Variants in FRYL observed in about 807,000 individuals in gnomAD.
FRYL encodes FRY like transcription coactivator.
In FRYL, 150 loss-of-function variants were observed where a neutral mutation model predicts 351.2. The observed-to-expected ratio is 0.43, with a 90% CI of 0.37 to 0.49. The LOEUF (loss-of-function observed/expected upper bound fraction) is 0.49. Ranked by LOEUF, FRYL falls within the 20% of genes least tolerant of loss-of-function variation. The pLI is 0.00. For missense variants in FRYL, 3,036 were observed against 3,619.3 expected (o/e 0.84, Z 4.13); for synonymous variants, 1,153 against 1,257.1 (o/e 0.92, Z 1.75).
intron 3 of FRYL, among the ~76,000 whole-genome samples, chr4:48,660,591 T>A (rs1026476998): frequency 7.9e-5 from 12 of 152,202 alleles, no homozygotes; most frequent in Admixed American, 7.2e-4. Context: ...TTGGCACCAT[T>A]TCACCTGTGG....
Position 48,562,935 on chromosome 4 carries a change from G to C in FRYL, c.3650C>G (p.Ala1217Gly). ...MLLNLILFKA[A>G]DSSRSIYEVA... ...TTCATAGATACTTCTAGAAGAATCA[G>C]CTGCTTTAAACAGTATCAGATTTAG... The change falls in exon 32 of 64, where the codon GCT (alanine) becomes GGT (glycine). Residue 1217 changes from alanine to glycine, a missense_variant. By Grantham distance (60) the Ala-to-Gly change is moderately conservative. Transcript: ENST00000358350. The C allele has an allele frequency of 6.2e-7, 1 of 1,609,976 alleles. No homozygotes were observed.
At chr4:48,651,246 G>A (rs1347038307) in intron 3 of FRYL, among the ~76,000 whole-genome samples, 1 of 148,100 alleles carries the variant, frequency 6.8e-6, no homozygotes, top group Non-Finnish European at 1.5e-5. Flanking sequence ...GTGTGTGTGT[G>A]TGTGTGTGTG....
intron 1 of FRYL, among the ~76,000 whole-genome samples, chr4:48,716,638 A>C (rs550648475): frequency 1.1e-3 from 162 of 151,688 alleles, no homozygotes; most frequent in African/African-American, 3.7e-3. Flanking sequence ...GCTGGAGAGG[A>C]TGTGGAGAAA....
chr4:48,589,912 G>T (rs1742892132), intron 17 of FRYL, 35 bp from the exon 18 acceptor site: 1 of 1,528,926 alleles, frequency 6.5e-7, no homozygotes, highest in Non-Finnish European at 9.0e-7. Flanking sequence ...TAAAATATCT[G>T]AAATTAGATA....
chr4:48,602,173 G>A (rs1485765978), intron 12 of FRYL, 52 bp from the exon 13 acceptor site: 3 of 908,904 alleles, frequency 3.3e-6, no homozygotes, highest in East Asian at 2.5e-5. Flanking sequence ...GAAAAGCACT[G>A]GACTTTTAAA....
intron 13 of FRYL, chr4:48,598,965 A>T: frequency 2.6e-6 from 1 of 379,156 alleles, no homozygotes; most frequent in Non-Finnish European, 3.6e-6. Context: ...ACAGCTCTTC[A>T]CCAAGGTCTC....
intron 7 of FRYL, among the ~76,000 whole-genome samples, chr4:48,614,015 TATC>T (rs1410739652): frequency 1.3e-5 from 2 of 150,864 alleles, no homozygotes; most frequent in Non-Finnish European, 2.9e-5. Flanking sequence ...ACTTTGGTCT[TATC>T]ATATTACTGC....
At chr4:48,670,880 C>G (rs1433518879) in intron 3 of FRYL, among the ~76,000 whole-genome samples, 1 of 152,176 alleles carries the variant, frequency 6.6e-6, no homozygotes, top group African/African-American at 2.4e-5. Flanking sequence ...CAAATCTCGG[C>G]TGTTGTGAAT....
In FRYL at chr4:48,515,080, C is replaced by G. The variant is rs1285689899; in HGVS notation, c.7885G>C (p.Glu2629Gln). The change falls in exon 56 of 64, where the codon GAG becomes CAG. Residue 2629 changes from glutamate to glutamine, a missense_variant. Around this residue, in one of 7 missense-constraint regions of FRYL, gnomAD observed 1,987 missense variants for 2,311.7 expected, o/e 0.86. Coordinates refer to ENST00000358350, the MANE Select transcript of FRYL (RefSeq NM_015030.2). ...TCTTCTTCACATCTTTCATCTAGCTCTTTCAGAGCTAAGGTAACATCCTCT... is the reference window on the plus strand; with the variant it reads ...TCTTCTTCACATCTTTCATCTAGCTGTTTCAGAGCTAAGGTAACATCCTCT... ...CEEDVTLALK[E>Q]LDERCEEEEA... 1.2e-6 allele frequency: 2 copies of G among 1,613,816 alleles called. No homozygotes were observed. The highest frequency in any genetic ancestry group is 1.7e-6 in the Non-Finnish European group (2 of 1,179,874).
At chr4:48,649,082 G>T (rs1481443302) in intron 3 of FRYL, among the ~76,000 whole-genome samples, 2 of 152,142 alleles carry the variant, frequency 1.3e-5, no homozygotes, top group African/African-American at 4.8e-5. Context: ...AGTATACACA[G>T]ATACGTGTGC....
In FRYL at chr4:48,525,194, T is replaced by C. The variant is rs867583342; in HGVS notation, c.7318-2090A>G. On this transcript the variant is annotated intron_variant, in intron 53 of 63. Coordinates refer to ENST00000358350, the MANE Select transcript of FRYL (RefSeq NM_015030.2). ...ATATATATATATATATATATATATA[T>C]ATACACACACTTGGATGTGATGTAA... Among the ~76,000 whole-genome samples, 450 of 145,732 alleles carry C rather than the reference T, an allele frequency of 3.1e-3. 1 individual carries two copies. Among genetic ancestry groups the C allele is most frequent in the East Asian group, 4.4e-3 (22 of 5,050 alleles).
intron 1 of FRYL, among the ~76,000 whole-genome samples, chr4:48,731,335 AT>A (rs1770702016): frequency 2.0e-5 from 3 of 152,242 alleles, no homozygotes; most frequent in Admixed American, 1.3e-4. Context: ...GGAAGAATCA[AT>A]ATCATGAAAA....
intron 49 of FRYL, among the ~76,000 whole-genome samples, chr4:48,533,931 A>G (rs965814101): frequency 1.3e-4 from 20 of 152,218 alleles, no homozygotes; most frequent in African/African-American, 4.1e-4. Flanking sequence ...GTACGAAGAA[A>G]GAAAGAACAA....
At chr4:48,675,952 A>C (rs1763598785) in intron 3 of FRYL, among the ~76,000 whole-genome samples, 3 of 151,996 alleles carry the variant, frequency 2.0e-5, no homozygotes, top group Admixed American at 6.6e-5. Flanking sequence ...ACCAATCAAC[A>C]CTCTGTATAT....
chr4:48,595,977 T>C lies in FRYL; in HGVS notation c.1059A>G (p.Arg353=). 1 of 1,599,430 alleles carries C rather than the reference T, an allele frequency of 6.3e-7. No individual in the cohort carries two copies. The highest frequency in any genetic ancestry group is 8.5e-7 in the Non-Finnish European group (1 of 1,175,124). Residue 353 remains arginine (R), a synonymous_variant, in exon 14 of 64, where the codon CGA becomes CGG. Transcript: ENST00000358350. ...ATCTATACAAAGATTCCAGTGCAACTCGAGACATTTTCGGATCTTTATTCT... is the reference window on the plus strand; with the variant it reads ...ATCTATACAAAGATTCCAGTGCAACCCGAGACATTTTCGGATCTTTATTCT... ...HLKNKDPKMS[R]VALESLYRLL...
chr4:48,556,336 T>C (rs964394420), intron 35 of FRYL, among the ~76,000 whole-genome samples: 1 of 152,256 alleles, frequency 6.6e-6, no homozygotes, highest in Non-Finnish European at 1.5e-5. Flanking sequence ...TCAGGTTTCA[T>C]AGTTTCATAT....
rs754899886 is a variant in FRYL, at chr4:48,567,283, C to T, written c.3134G>A (p.Ser1045Asn). Residue 1045 changes from serine to asparagine, a missense_variant, in exon 28 of 64, where the codon AGT (serine) becomes AAT (asparagine). Ser to Asn is a conservative substitution (Grantham distance 46, BLOSUM62 1). Around this residue, in one of 7 missense-constraint regions of FRYL, gnomAD observed 492 missense variants for 551.5 expected, o/e 0.89. Coordinates refer to ENST00000358350, the MANE Select transcript of FRYL (RefSeq NM_015030.2). This position sits in a 1 kb window ranked among gnomAD's most constrained non-coding sequence, Gnocchi z 4.2. ...DTLKDIRCHFSALVANIIQNV... is the reference protein window; with the variant it reads ...DTLKDIRCHFNALVANIIQNV... ...CTGAATAATATTCGCCACTAAGGCA[C>T]TAAAATGGCATCGTATATCCTTCAG... The T allele has an allele frequency of 1.2e-6, 2 of 1,611,508 alleles. No individual in the cohort carries two copies. Among genetic ancestry groups the T allele is most frequent in the Admixed American group, 1.7e-5 (1 of 59,638 alleles).
chr4:48,525,443 G>C (rs538776189), intron 53 of FRYL, among the ~76,000 whole-genome samples: 1 of 152,102 alleles, frequency 6.6e-6, no homozygotes, highest in Non-Finnish European at 1.5e-5. Context: ...ATCTGCAGGG[G>C]GCACTGAGGC....
At chr4:48,598,010 G>C (rs1360231925) in intron 13 of FRYL, among the ~76,000 whole-genome samples, 1 of 152,066 alleles carries the variant, frequency 6.6e-6, no homozygotes, top group Non-Finnish European at 1.5e-5. Context: ...ACAAAATTTT[G>C]GTATGTCAGT....
Sources: gnomAD v4.1 joint callset for allele counts (sites outside exome capture counted in the v4.1 genomes callset) on GRCh38, gnomAD v4.1.1 for gene constraint, gnomAD v4.1.1 regional missense constraint, Gnocchi (gnomAD v3.1) non-coding constraint, MANE v1.5 for transcripts, NCBI Gene and HGNC (gene_info 2026-07-23, HGNC 2026-07-21) for gene names.